DHRS11: variants seen among roughly 807,000 people sequenced by gnomAD.
DHRS11 encodes dehydrogenase/reductase SDR family member 11.
Under a neutral mutation model 30.7 loss-of-function variants are expected in DHRS11, and 18 were observed. The ratio of observed to expected loss-of-function variants is 0.59; its 90% CI spans 0.41 to 0.87. DHRS11 has a LOEUF of 0.87. Among genes scored for constraint, DHRS11 ranks in the 40% least tolerant of loss-of-function variants. DHRS11 has a pLI of 0.00. For synonymous variants in DHRS11, 123 were observed against 139.6 expected, an observed-to-expected ratio of 0.88 and a Z score of 0.84; for missense variants, 300 against 349.0, an observed-to-expected ratio of 0.86 and a Z score of 1.12.
At chr17:36,594,187 G>C (rs558594015) in intron 1 of DHRS11, among the ~76,000 whole-genome samples, 1 of 152,334 alleles carries the variant, frequency 6.6e-6, no homozygotes. Flanking sequence ...CTCTGAGCCA[G>C]TTGGCTGCAG....
chr17:36,592,005 G>T lies in DHRS11; in HGVS notation c.-5G>T. The T allele has an allele frequency of 8.2e-7, 1 of 1,226,422 alleles. No individual in the cohort carries two copies. The highest frequency in any genetic ancestry group is 1.0e-6 in the Non-Finnish European group (1 of 984,246). The allele number at this position is 1,226,422 out of a possible 1,614,324, so 76.0% of individuals were successfully genotyped here. On this transcript the variant is annotated 5_prime_UTR_variant, in exon 1 of 7. Coordinates refer to ENST00000618403, the MANE Select transcript of DHRS11 (RefSeq NM_024308.4). This position sits in a 1 kb window ranked among gnomAD's most constrained non-coding sequence, Gnocchi z 4.4. ...TCCAGCGAGGCGGACGGGCGGCGTG[G>T]GCCCATGGCCAGGCCCGGCATGGAG...
chr17:36,595,431 T>TTTTTTTG (rs1555610539), intron 2 of DHRS11, among the ~76,000 whole-genome samples: 18 of 141,178 alleles, frequency 1.3e-4, no homozygotes, highest in African/African-American at 4.8e-4. Context: ...TTTTTTTTTT[T>TTTTTTTG]TTTTTTGAGA....
intron 4 of DHRS11, 196 bp from the exon 5 acceptor site, chr17:36,599,475 A>T (rs1036662321): frequency 3.3e-6 from 2 of 604,114 alleles, no homozygotes; most frequent in Admixed American, 3.0e-5. Context: ...TTTACCTGAC[A>T]TATAGGAAAG....
At chr17:36,598,855 G>A in intron 3 of DHRS11, 66 bp from the exon 4 acceptor site, 1 of 1,548,560 alleles carries the variant, frequency 6.5e-7, no homozygotes, top group Non-Finnish European at 8.7e-7. Context: ...ACCGGGTACG[G>A]CAGGAGCACC....
rs372656712 is a variant in DHRS11 at position 36,592,181 on chromosome 17, C to G, written c.147+25C>G. ...GGTGAGGCCGGGCCGAGGGCGGGGA[C>G]GTCGCGGGCGGGTCGTTTCCCCGGA... On this transcript the variant is annotated intron_variant, in intron 1 of 6. Transcript: ENST00000618403. The surrounding 1 kb of genome is among the most constrained non-coding windows in gnomAD (Gnocchi z 4.4). 6.4e-5 allele frequency: 81 copies of G among 1,261,864 alleles called. 2 individuals are homozygous for G. The highest frequency in any genetic ancestry group is 5.7e-4 in the East Asian group (19 of 33,382). The allele number at this position is 1,261,864 out of a possible 1,614,324, so 78.2% of individuals were successfully genotyped here.
chr17:36,594,891 G>A (rs1441292769), intron 1 of DHRS11, 80 bp from the exon 2 acceptor site: 6 of 1,462,122 alleles, frequency 4.1e-6, no homozygotes, highest in South Asian at 1.2e-5. Context: ...TGAGTGTGAC[G>A]GGGGTCGGGG....
rs200686174 is a variant in DHRS11, at chr17:36,600,011, G to A, written c.715G>A (p.Val239Ile). The change falls in exon 6 of 7, where the codon GTC (valine) becomes ATC (isoleucine). Residue 239 changes from valine to isoleucine, a missense_variant. Val to Ile is a conservative substitution (Grantham distance 29). Coordinates refer to ENST00000618403, the MANE Select transcript of DHRS11 (RefSeq NM_024308.4). Reference sequence around the variant, plus strand: ...GGATGTGGCCGAGGCTGTTATCTACGTCCTCAGCACCCCCGCACACATCCA... The same window carrying A: ...GGATGTGGCCGAGGCTGTTATCTACATCCTCAGCACCCCCGCACACATCCA... ...PEDVAEAVIY[V>I]LSTPAHIQIG... 2.7e-5 allele frequency: 43 copies of A among 1,613,742 alleles called. No homozygotes were observed. Among genetic ancestry groups the A allele is most frequent in the Middle Eastern group, 1.6e-4 (1 of 6,062 alleles).
In DHRS11 at chr17:36,591,929, GCGGCAGGAGAGC is replaced by G; in HGVS notation, c.-80_-69del. The G allele has an allele frequency of 8.3e-7, 1 of 1,210,530 alleles. No individual in the cohort carries two copies. Among genetic ancestry groups the G allele is most frequent in the Non-Finnish European group, 1.0e-6 (1 of 972,660 alleles). The allele number at this position is 1,210,530 out of a possible 1,614,324, so 75.0% of individuals were successfully genotyped here. On this transcript the variant is annotated 5_prime_UTR_variant, in exon 1 of 7. Coordinates refer to ENST00000618403, the MANE Select transcript of DHRS11 (RefSeq NM_024308.4). ...ATCGGACCCAAGCAGGTCGGCGGCG[GCGGCAGGAGAGC>G]GGCCGGGCGTCAGCTCCTCGACCCC...
rs867558042 is a variant in DHRS11, at chr17:36,591,908, G to T, written c.-102G>T. 3 of 1,175,814 alleles carry T rather than the reference G, an allele frequency of 2.6e-6. No homozygotes were observed. The highest frequency in any genetic ancestry group is 3.2e-6 in the Non-Finnish European group (3 of 942,120). 72.8% of individuals were successfully genotyped at this position (1,175,814 alleles called of 1,614,324 possible). On this transcript the variant is annotated 5_prime_UTR_variant, in exon 1 of 7. Coordinates refer to ENST00000618403, the MANE Select transcript of DHRS11 (RefSeq NM_024308.4). ...CTCTGGTGGGTCTAGGCGCGGATCG[G>T]ACCCAAGCAGGTCGGCGGCGGCGGC...
intron 1 of DHRS11, 199 bp from the exon 2 acceptor site, chr17:36,594,772 T>C (rs1054196328): frequency 6.5e-6 from 4 of 611,236 alleles, no homozygotes; most frequent in Non-Finnish European, 8.7e-6. Context: ...CCTTCATCAC[T>C]CGGGGAGCAC....
intron 1 of DHRS11, among the ~76,000 whole-genome samples, chr17:36,593,050 T>C (rs1183441552): frequency 6.6e-6 from 1 of 151,922 alleles, no homozygotes; most frequent in Non-Finnish European, 1.5e-5. Context: ...AATCCCAAGG[T>C]CACCTGGCTC....
rs1442960750 is a variant in DHRS11 at position 36,592,364 on chromosome 17, G to A, written c.147+208G>A. On this transcript the variant is annotated intron_variant, in intron 1 of 6. Transcript: ENST00000618403. This position sits in a 1 kb window ranked among gnomAD's most constrained non-coding sequence, Gnocchi z 4.4. The stretch of plus-strand genomic sequence containing the variant: ...CTCGAGTTACCGAATCTCCGACCCC[G>A]GCATCTCCCCACCCGCCCCTCGGGT... Among the ~76,000 whole-genome samples, 1 of 152,184 alleles carries A rather than the reference G, an allele frequency of 6.6e-6. No homozygotes were observed. Among genetic ancestry groups the A allele is most frequent in the Non-Finnish European group, 1.5e-5 (1 of 68,012 alleles).
Position 36,598,947 on chromosome 17 carries a change from T to A in DHRS11, c.479T>A (p.Leu160Gln). The change falls in exon 4 of 7, where the codon CTG (leucine) becomes CAG (glutamine). Residue 160 changes from leucine (L) to glutamine (Q), a missense_variant. Transcript: ENST00000618403. ...ATGTCTGGCCACCGAGTGTTACCCC[T>A]GTCTGTGACCCACTTCTATAGTGCC... Reference protein sequence around the residue: ...NSMSGHRVLPLSVTHFYSATK... With the variant: ...NSMSGHRVLPQSVTHFYSATK... 1 of 1,613,492 alleles carries A rather than the reference T, an allele frequency of 6.2e-7. No individual in the cohort carries two copies. The highest frequency in any genetic ancestry group is 8.5e-7 in the Non-Finnish European group (1 of 1,179,894).
At chr17:36,593,617 G>A (rs1266617999) in intron 1 of DHRS11, among the ~76,000 whole-genome samples, 1 of 152,222 alleles carries the variant, frequency 6.6e-6, no homozygotes, top group African/African-American at 2.4e-5. Flanking sequence ...GTGATCAAAT[G>A]TGGGTAAAAT....
In DHRS11 at chr17:36,598,178, C is replaced by T; in HGVS notation, c.373C>T (p.Leu125Phe). 1 of 1,614,086 alleles carries T rather than the reference C, an allele frequency of 6.2e-7. No homozygotes were observed. Among genetic ancestry groups the T allele is most frequent in the South Asian group, 1.1e-5 (1 of 91,076 alleles). ...TGGCCTGCAGGTGAACGTGCTGGCC[C>T]TCAGCATCTGCACACGGGAAGCCTA... ...KDMFNVNVLALSICTREAYQS... is the reference protein window; with the variant it reads ...KDMFNVNVLAFSICTREAYQS... Residue 125 changes from leucine to phenylalanine, a missense_variant, in exon 3 of 7, where the codon CTC becomes TTC. Leu to Phe is a conservative substitution (Grantham distance 22, BLOSUM62 0). Transcript: ENST00000618403.
rs1386924259 is a variant in DHRS11 at position 36,600,733 on chromosome 17, A to C, written c.*530A>C. ...TCATCCCTCCACTCTGACTCTGACT[A>C]TGGCAGCAGAACACCAGGGCCTGGC... is the stretch of plus-strand genomic sequence containing the variant. On this transcript the variant is annotated 3_prime_UTR_variant, in exon 7 of 7. Transcript: ENST00000618403. 6.2e-6 allele frequency: 1 copy of C among 162,592 alleles called. No homozygotes were observed. Among genetic ancestry groups the C allele is most frequent in the African/African-American group, 2.4e-5 (1 of 41,588 alleles). The allele number at this position is 162,592 out of a possible 1,614,324, so 10.1% of individuals were successfully genotyped here. A position where few individuals can be genotyped will look rare whatever the true frequency, so the allele number is the denominator to read the frequency against.
chr17:36,596,823 G>T, intron 2 of DHRS11: 1 of 470,916 alleles, frequency 2.1e-6, no homozygotes. Context: ...CCCATCTGCT[G>T]ACAGTAGACT....
At position 36,598,184 on chromosome 17, in the gene DHRS11, A is replaced by G; in HGVS notation, c.379A>G (p.Ile127Val). Residue 127 changes from isoleucine (I) to valine (V), a missense_variant, in exon 3 of 7, where the codon ATC becomes GTC. Coordinates refer to ENST00000618403, the MANE Select transcript of DHRS11 (RefSeq NM_024308.4). ...MFNVNVLALS[I>V]CTREAYQSMK... The stretch of plus-strand genomic sequence containing the variant: ...GCAGGTGAACGTGCTGGCCCTCAGC[A>G]TCTGCACACGGGAAGCCTACCAGTC... 1 of 1,614,088 alleles carries G rather than the reference A, an allele frequency of 6.2e-7. No homozygotes were observed.
At chr17:36,597,852 A>G (rs534737168) in intron 2 of DHRS11, 265 of 500,214 alleles carry the variant, frequency 5.3e-4, no homozygotes, top group Non-Finnish European at 7.7e-4. Context: ...TACTGTTCAT[A>G]GAGGAGATGG....
Sources: gnomAD v4.1 joint callset for allele counts (sites outside exome capture counted in the v4.1 genomes callset) on GRCh38, gnomAD v4.1.1 for gene constraint, Gnocchi (gnomAD v3.1) non-coding constraint, MANE v1.5 for transcripts, NCBI Gene and HGNC (gene_info 2026-07-23, HGNC 2026-07-21) for gene names.